LRSAM1: variants seen among roughly 807,000 people sequenced by gnomAD.
LRSAM1 encodes the protein E3 ubiquitin-protein ligase LRSAM1.
LRSAM1 carries 96 observed loss-of-function variants against 118.1 expected under a neutral mutation model. That is an observed-to-expected ratio of 0.81 (90% confidence interval 0.69 to 0.96). The LOEUF is 0.96. Among genes scored for constraint, LRSAM1 ranks in the 40% least tolerant of loss-of-function variants. The pLI is 0.00. For missense variants in LRSAM1, 804 were observed against 915.5 expected (o/e 0.88, Z 1.57); for synonymous variants, 322 against 364.2 (o/e 0.88, Z 1.32).
intron 2 of LRSAM1, among the ~76,000 whole-genome samples, chr9:127,452,554 T>A (rs1834364468): frequency 6.6e-6 from 1 of 152,200 alleles, no homozygotes; most frequent in Non-Finnish European, 1.5e-5. Context: ...CCTGAATCAA[T>A]GTTGCTTGCA....
chr9:127,500,144 T>C (rs1425348473), intron 24 of LRSAM1, among the ~76,000 whole-genome samples: 1 of 118,770 alleles, frequency 8.4e-6, no homozygotes, highest in Admixed American at 7.6e-5. Context: ...GCAGATCACC[T>C]GAAGTCAAAA....
chr9:127,473,692 C>T, intron 10 of LRSAM1, 109 bp from the exon 11 acceptor site: 1 of 1,461,050 alleles, frequency 6.8e-7, no homozygotes, highest in Non-Finnish European at 9.6e-7. Flanking sequence ...AAGAGGAGAG[C>T]AGTGGCTGAG....
chr9:127,457,602 T>C (rs1416513154), intron 6 of LRSAM1, among the ~76,000 whole-genome samples: 1 of 152,198 alleles, frequency 6.6e-6, no homozygotes, highest in African/African-American at 2.4e-5. Flanking sequence ...GCCCTGTCCC[T>C]GGGGAGTTTA....
At chr9:127,469,919 T>C (rs1449557090) in intron 10 of LRSAM1, among the ~76,000 whole-genome samples, 9 of 151,992 alleles carry the variant, frequency 5.9e-5, no homozygotes, top group East Asian at 5.8e-4. Flanking sequence ...GAGCCGAGAT[T>C]GCGCCACTGC....
intron 4 of LRSAM1, 67 bp downstream of exon 4, chr9:127,455,121 G>A: frequency 1.3e-6 from 2 of 1,519,634 alleles, no homozygotes; most frequent in Non-Finnish European, 1.8e-6. Context: ...TGTGTCCCTA[G>A]GAAAGACAGA....
At chr9:127,497,116 G>T in intron 23 of LRSAM1, 137 bp from the exon 24 acceptor site, 2 of 850,782 alleles carry the variant, frequency 2.4e-6, no homozygotes, top group Non-Finnish European at 1.9e-6. Context: ...CGTGGGCCCC[G>T]CCAGGCCCCG....
intron 10 of LRSAM1, among the ~76,000 whole-genome samples, chr9:127,468,526 C>T (rs1835042570): frequency 6.6e-6 from 1 of 152,082 alleles, no homozygotes; most frequent in Non-Finnish European, 1.5e-5. Context: ...GACACACATG[C>T]CTATGACTTA....
intron 11 of LRSAM1, among the ~76,000 whole-genome samples, chr9:127,476,419 G>T (rs908917333): frequency 6.6e-6 from 1 of 152,078 alleles, no homozygotes; most frequent in African/African-American, 2.4e-5. Flanking sequence ...ATAGTGGCAC[G>T]TGCCTGTGGT....
chr9:127,478,725 C>T (rs982925663), intron 11 of LRSAM1, among the ~76,000 whole-genome samples: 2 of 152,186 alleles, frequency 1.3e-5, no homozygotes, highest in Admixed American at 1.3e-4. Context: ...AGTGACAGCC[C>T]AGGGGTTCTC....
rs766240019 is a variant in LRSAM1 at position 127,501,158 on chromosome 9, C to T, written c.2046+15C>T. The T allele has an allele frequency of 1.2e-6, 2 of 1,610,866 alleles. No homozygotes were observed. The highest frequency in any genetic ancestry group is 2.2e-5 in the South Asian group (2 of 90,956). ...TGGAACGGGAGGTAAGTCCGGGGCC[C>T]TCCCCACCCGCCTGCCCTGCCTGTG... On this transcript the variant is annotated intron_variant, in intron 25 of 25. Coordinates refer to ENST00000300417, the MANE Select transcript of LRSAM1 (RefSeq NM_001005373.4).
intron 21 of LRSAM1, among the ~76,000 whole-genome samples, chr9:127,493,990 A>T (rs1381546447): frequency 6.6e-6 from 1 of 152,230 alleles, no homozygotes; most frequent in Non-Finnish European, 1.5e-5. Flanking sequence ...CCATCAGAGG[A>T]AGCTGCCTGT....
intron 6 of LRSAM1, among the ~76,000 whole-genome samples, 189 bp from the exon 7 acceptor site, chr9:127,458,814 A>G (rs1588095647): frequency 6.6e-6 from 1 of 152,356 alleles, no homozygotes; most frequent in African/African-American, 2.4e-5. Context: ...ACATAAAATA[A>G]GAAAATGGTA....
intron 11 of LRSAM1, among the ~76,000 whole-genome samples, chr9:127,474,342 G>T (rs1445300317): frequency 6.7e-6 from 1 of 149,752 alleles, no homozygotes; most frequent in African/African-American, 2.5e-5. Context: ...ATCATAGCTC[G>T]CTGCAGCCTT....
At chr9:127,460,527 G>A (rs1248771054) in intron 7 of LRSAM1, among the ~76,000 whole-genome samples, 1 of 152,238 alleles carries the variant, frequency 6.6e-6, no homozygotes, top group Non-Finnish European at 1.5e-5. Flanking sequence ...CCCCAAGTCT[G>A]TAGTCCCCTT....
intron 7 of LRSAM1, 56 bp from the exon 8 acceptor site, chr9:127,461,117 G>A: frequency 7.1e-7 from 1 of 1,417,758 alleles, no homozygotes; most frequent in Non-Finnish European, 9.9e-7. Context: ...GCCTCCCAAA[G>A]TGCTGGGATT....
chr9:127,495,463 C>G, intron 22 of LRSAM1, 45 bp downstream of exon 22: 1 of 1,564,510 alleles, frequency 6.4e-7, no homozygotes, highest in Non-Finnish European at 8.8e-7. Flanking sequence ...CCCTGGGGAC[C>G]TCCTCCCAGA....
intron 15 of LRSAM1, 114 bp downstream of exon 15, chr9:127,481,341 C>A: frequency 9.0e-7 from 1 of 1,115,866 alleles, no homozygotes; most frequent in Non-Finnish European, 1.3e-6. Context: ...CAACCCCCGC[C>A]GCCCAGGTCC....
chr9:127,457,158 T>C (rs973520227), intron 5 of LRSAM1, among the ~76,000 whole-genome samples, 158 bp from the exon 6 acceptor site: 5 of 152,210 alleles, frequency 3.3e-5, no homozygotes, highest in South Asian at 2.1e-4. Flanking sequence ...AGATTCCCCA[T>C]TGGGAGAGTT....
chr9:127,476,820 A>G (rs1187560838), intron 11 of LRSAM1, among the ~76,000 whole-genome samples: 2 of 152,040 alleles, frequency 1.3e-5, no homozygotes, highest in Non-Finnish European at 2.9e-5. Flanking sequence ...GATTACAGGC[A>G]CCTGCCACCA....
Sources: allele counts gnomAD v4.1 joint callset (sites outside exome capture counted in the v4.1 genomes callset), GRCh38; gene constraint gnomAD v4.1.1; transcripts MANE v1.5; gene names NCBI Gene and HGNC (gene_info 2026-07-23, HGNC 2026-07-21).